Variants in PAPPA observed in about 807,000 individuals in gnomAD.
PAPPA encodes the protein pappalysin-1.
A neutral mutation model predicts 164.0 loss-of-function variants in PAPPA; 60 were observed. That is an observed-to-expected ratio of 0.37 (90% CI 0.30 to 0.45). The LOEUF (loss-of-function observed/expected upper bound fraction) is 0.45. PAPPA is among the 20% of genes least tolerant of loss of function. The probability of loss-of-function intolerance (pLI) is 1.00; values close to 1 mark genes in which losing one functional copy is unlikely to be tolerated. For missense variants in PAPPA, 1,782 were observed against 2,087.3 expected, an observed-to-expected ratio of 0.85 and a Z score of 2.85; for synonymous variants, 875 against 814.1, an observed-to-expected ratio of 1.07 and a Z score of -1.27.
chr9:116,386,462 C>T (rs1228977073), intron 21 of PAPPA, among the ~76,000 whole-genome samples: 2 of 152,162 alleles, frequency 1.3e-5, no homozygotes, highest in Non-Finnish European at 2.9e-5. Flanking sequence ...CTCTGTTATC[C>T]TCTTTAATCC....
chr9:116,260,546 C>A (rs1166012523), intron 7 of PAPPA, among the ~76,000 whole-genome samples: 1 of 152,168 alleles, frequency 6.6e-6, no homozygotes, highest in Non-Finnish European at 1.5e-5. Context: ...TCCCATCTTA[C>A]ATCTTCTAAC....
intron 9 of PAPPA, among the ~76,000 whole-genome samples, chr9:116,297,716 T>C (rs570706237): frequency 6.6e-6 from 1 of 152,330 alleles, no homozygotes; most frequent in East Asian, 1.9e-4. Flanking sequence ...TAATCATGTC[T>C]ATCCTTCAAG....
chr9:116,263,346 C>G (rs1376179187), intron 7 of PAPPA, among the ~76,000 whole-genome samples: 1 of 152,112 alleles, frequency 6.6e-6, no homozygotes, highest in Non-Finnish European at 1.5e-5. Flanking sequence ...GAGCAAGCTG[C>G]CAGGCACTGG....
chr9:116,255,024 T>A (rs1207796767), intron 7 of PAPPA, among the ~76,000 whole-genome samples: 1 of 151,902 alleles, frequency 6.6e-6, no homozygotes, highest in African/African-American at 2.4e-5. Context: ...TCTAAAGATA[T>A]GTTTGCGTTG....
At chr9:116,370,425 C>T (rs778564228) in intron 19 of PAPPA, among the ~76,000 whole-genome samples, 1 of 152,186 alleles carries the variant, frequency 6.6e-6, no homozygotes, top group Non-Finnish European at 1.5e-5. Flanking sequence ...TCAGCTATCC[C>T]TGCAGCCTCT....
At chr9:116,241,575 T>C (rs1844736138) in intron 7 of PAPPA, among the ~76,000 whole-genome samples, 1 of 152,208 alleles carries the variant, frequency 6.6e-6, no homozygotes, top group African/African-American at 2.4e-5. Flanking sequence ...GCTTGTGGTT[T>C]TTCCTTCACC....
At chr9:116,236,062 G>T (rs573756943) in intron 7 of PAPPA, among the ~76,000 whole-genome samples, 244 of 152,208 alleles carry the variant, frequency 1.6e-3, no homozygotes, top group African/African-American at 5.5e-3. Flanking sequence ...TGGGTGAATC[G>T]GGGGTGAAGT....
chr9:116,259,036 G>A (rs1160160310), intron 7 of PAPPA, among the ~76,000 whole-genome samples: 2 of 152,092 alleles, frequency 1.3e-5, no homozygotes, highest in Non-Finnish European at 2.9e-5. Context: ...GGGAGGCTGA[G>A]GCAGGGGAAT....
At chr9:116,249,991 A>T (rs1292004711) in intron 7 of PAPPA, among the ~76,000 whole-genome samples, 1 of 151,206 alleles carries the variant, frequency 6.6e-6, no homozygotes, top group Non-Finnish European at 1.5e-5. Flanking sequence ...GTGCATGTAC[A>T]TGCATGCATG....
At chr9:116,205,594 G>A (rs3814958) in intron 2 of PAPPA, among the ~76,000 whole-genome samples, 2,609 of 152,184 alleles carry the variant, frequency 0.017, 61 homozygotes, top group East Asian at 0.11. Flanking sequence ...TTGTGGGAAG[G>A]GTTGGACACA....
chr9:116,298,893 G>A (rs906806034), intron 9 of PAPPA, among the ~76,000 whole-genome samples: 3 of 152,152 alleles, frequency 2.0e-5, no homozygotes, highest in African/African-American at 7.2e-5. Flanking sequence ...ACTACAACCT[G>A]CTCAGCATCT....
intron 1 of PAPPA, among the ~76,000 whole-genome samples, chr9:116,181,714 T>C (rs996486256): frequency 6.6e-6 from 1 of 152,162 alleles, no homozygotes; most frequent in South Asian, 2.1e-4. Context: ...TCAGAAACCA[T>C]CAGGCAGGTA....
intron 21 of PAPPA, among the ~76,000 whole-genome samples, chr9:116,384,648 A>G (rs1225643709): frequency 2.0e-5 from 3 of 152,132 alleles, no homozygotes; most frequent in Admixed American, 1.3e-4. Flanking sequence ...TTTGCACATA[A>G]AATACTTTTA....
At position 116,187,940 on chromosome 9, in the gene PAPPA, G is replaced by A. The variant is rs1843995873; in HGVS notation, c.1202G>A (p.Ser401Asn). The change falls in exon 2 of 22, where the codon AGC becomes AAC. Residue 401 changes from serine to asparagine, a missense_variant. By Grantham distance (46) the Ser-to-Asn change is conservative. Coordinates refer to ENST00000328252, the MANE Select transcript of PAPPA (RefSeq NM_002581.5). This position sits in a 1 kb window ranked among gnomAD's most constrained non-coding sequence, Gnocchi z 4.2. Reference sequence around the variant, plus strand: ...TGGGAGCTGGACGTGCTGGAGGTGAGCAACTCCTCCCTTCGCCGCCGCCTC... The same window carrying A: ...TGGGAGCTGGACGTGCTGGAGGTGAACAACTCCTCCCTTCGCCGCCGCCTC... ...ISWELDVLEVSNSSLRRRLIL... is the reference protein window; with the variant it reads ...ISWELDVLEVNNSSLRRRLIL... 6.2e-7 allele frequency: 1 copy of A among 1,614,156 alleles called. No homozygotes were observed. Among genetic ancestry groups the A allele is most frequent in the Non-Finnish European group, 8.5e-7 (1 of 1,180,042 alleles).
chr9:116,218,905 C>T (rs1844408537), intron 4 of PAPPA, among the ~76,000 whole-genome samples: 1 of 152,148 alleles, frequency 6.6e-6, no homozygotes, highest in Admixed American at 6.5e-5. Flanking sequence ...CTCCAAAACT[C>T]CAGAGAAGGA....
intron 10 of PAPPA, among the ~76,000 whole-genome samples, chr9:116,307,376 G>A (rs1845659993): frequency 6.6e-6 from 1 of 152,056 alleles, no homozygotes; most frequent in South Asian, 2.1e-4. Flanking sequence ...GAGGCGGGCG[G>A]ATCACCTGAG....
At chr9:116,212,405 A>T (rs1223942725) in intron 4 of PAPPA, among the ~76,000 whole-genome samples, 1 of 152,132 alleles carries the variant, frequency 6.6e-6, no homozygotes, top group Non-Finnish European at 1.5e-5. Flanking sequence ...GATGCCCTGC[A>T]CTTCCCTTTA....
intron 3 of PAPPA, among the ~76,000 whole-genome samples, chr9:116,209,205 A>G (rs768502640): frequency 2.4e-4 from 37 of 152,340 alleles, no homozygotes; most frequent in South Asian, 4.1e-4. Context: ...TGATCAGCTT[A>G]TATCACATGC....
At chr9:116,303,148 G>T (rs1845601015) in intron 10 of PAPPA, among the ~76,000 whole-genome samples, 198 bp downstream of exon 10, 1 of 152,170 alleles carries the variant, frequency 6.6e-6, no homozygotes, top group Non-Finnish European at 1.5e-5. Flanking sequence ...AACATTGTAT[G>T]ATAGGGTAAT....
Sources: allele counts gnomAD v4.1 joint callset (sites outside exome capture counted in the v4.1 genomes callset), GRCh38; gene constraint gnomAD v4.1.1; non-coding constraint Gnocchi (gnomAD v3.1); transcripts MANE v1.5; gene names NCBI Gene and HGNC (gene_info 2026-07-23, HGNC 2026-07-21).